CFH: variants seen among roughly 807,000 people sequenced by gnomAD.
The protein encoded by CFH is H factor 1 (complement).
In CFH, 53 loss-of-function variants were observed where a neutral mutation model predicts 147.3. That is an observed-to-expected ratio of 0.36 (90% confidence interval 0.29 to 0.45). CFH has a LOEUF of 0.45. Among genes scored for constraint, CFH ranks in the 20% least tolerant of loss-of-function variants. The pLI is 1.00. For missense variants in CFH, 1,380 were observed against 1,498.0 expected, an observed-to-expected ratio of 0.92 and a Z score of 1.30; for synonymous variants, 536 against 489.4, an observed-to-expected ratio of 1.10 and a Z score of -1.26.
intron 17 of CFH, among the ~76,000 whole-genome samples, chr1:196,738,371 A>G (rs1371946548): frequency 6.6e-6 from 1 of 152,168 alleles, no homozygotes. Context: ...TCAAAAGTTC[A>G]TATCCAAAGT....
chr1:196,668,806 C>T (rs907837684), intron 1 of CFH, among the ~76,000 whole-genome samples: 2 of 152,188 alleles, frequency 1.3e-5, no homozygotes, highest in Non-Finnish European at 2.9e-5. Context: ...TACCCAGTCT[C>T]AGGTAATTCT....
At chr1:196,746,626 T>G (rs1253124325) in intron 21 of CFH, among the ~76,000 whole-genome samples, 2 of 152,132 alleles carry the variant, frequency 1.3e-5, no homozygotes, top group Non-Finnish European at 2.9e-5. Context: ...TGCTTAGCAT[T>G]GGGTGTAGGT....
Position 196,747,112 on chromosome 1 carries a change from T to A in CFH, c.3495T>A (p.His1165Gln), listed in dbSNP as rs1653039431. ...ATGTTTACTGTTTTTTATTTTCAGA[T>A]CCGTGTGTAATATCCCGAGAAATTA... ...GQWSEPPKCL[H>Q]PCVISREIME... is the part of the protein sequence containing the mutation. The change falls in exon 22 of 22, where the codon CAT (histidine) becomes CAA (glutamine). Residue 1165 changes from histidine to glutamine, a missense_variant and splice_region_variant. His to Gln is a conservative substitution (Grantham distance 24, BLOSUM62 0). Transcript: ENST00000367429. 6.2e-7 allele frequency: 1 copy of A among 1,613,852 alleles called. No homozygotes were observed. Among genetic ancestry groups the A allele is most frequent in the Non-Finnish European group, 8.5e-7 (1 of 1,179,820 alleles).
At chr1:196,706,722 C>G (rs1339488016) in intron 9 of CFH, among the ~76,000 whole-genome samples, 1 of 152,062 alleles carries the variant, frequency 6.6e-6, no homozygotes, top group Non-Finnish European at 1.5e-5. Flanking sequence ...GTCTTTGGGA[C>G]ACACTTAAAG....
intron 3 of CFH, 113 bp from the exon 4 acceptor site, chr1:196,675,876 T>C (rs1018459574): frequency 1.0e-5 from 7 of 667,784 alleles, no homozygotes; most frequent in African/African-American, 1.8e-5. Context: ...AGAAAATGCA[T>C]ATGCTGTTCA....
rs1558163704 is a variant in CFH, at chr1:196,692,785, TC to T, written c.1336+2547del. Among the ~76,000 whole-genome samples the T allele has an allele frequency of 2.2e-3, 233 of 105,864 alleles. 8 individuals carry two copies. The highest frequency in any genetic ancestry group is 3.8e-3 in the African/African-American group (85 of 22,288). 69.5% of individuals were successfully genotyped at this position (105,864 alleles called of 152,430 possible). A position where few individuals can be genotyped will look rare whatever the true frequency, so the allele number is the denominator to read the frequency against. ...TTCTTTCTTTCTTTCTTTCTTTCTT[TC>T]TTTCTTTCTTTCTTTCTTTCTTTCT... On this transcript the variant is annotated intron_variant, in intron 9 of 21. Transcript: ENST00000367429.
At chr1:196,696,230 C>T (rs981737428) in intron 9 of CFH, among the ~76,000 whole-genome samples, 8 of 151,936 alleles carry the variant, frequency 5.3e-5, no homozygotes, top group South Asian at 2.1e-4. Flanking sequence ...CCCCAGCAAA[C>T]GCAAAAGAAC....
chr1:196,713,915 T>C lies in CFH; in HGVS notation c.1517T>C (p.Ile506Thr). The C allele has an allele frequency of 6.2e-7, 1 of 1,611,522 alleles. No homozygotes were observed. Among genetic ancestry groups the C allele is most frequent in the Non-Finnish European group, 8.5e-7 (1 of 1,178,214 alleles). ...KDGWSAQPTC[I>T]KSCDIPVFMN... ...GGATGGTCAGCTCAACCCACGTGCA[T>C]TAGTAAGTAATTTATTATGTTTGTA... is the stretch of plus-strand genomic sequence containing the variant. The change falls in exon 10 of 22, where the codon ATT becomes ACT. Residue 506 changes from isoleucine to threonine, a missense_variant and splice_region_variant. Physicochemically the swap from Ile to Thr is moderately conservative, Grantham distance 89 (BLOSUM62 -1). This residue lies in a region of CFH where 830 missense variants were observed against 821.4 expected (regional missense o/e 1.01). Transcript: ENST00000367429.
rs1669433069 is a variant in CFH at position 196,737,455 on chromosome 1, G to T, written c.2597-20G>T. The T allele has an allele frequency of 3.2e-6, 5 of 1,572,550 alleles. No individual in the cohort carries two copies. In the South Asian group the frequency reaches 3.4e-5, roughly 11 times the overall value. On this transcript the variant is annotated intron_variant, in intron 16 of 21. Coordinates refer to ENST00000367429, the MANE Select transcript of CFH (RefSeq NM_000186.4). ...GTATTTTATTTGTTTTTAACCCTTT[G>T]ATTTTCATTCTTCATTTAGAAAAAA...
chr1:196,674,310 C>G (rs953924382), intron 3 of CFH, among the ~76,000 whole-genome samples: 1 of 152,058 alleles, frequency 6.6e-6, no homozygotes, highest in African/African-American at 2.4e-5. Context: ...GGAATTGTAA[C>G]CAATTTATAT....
rs748226917 is a variant in CFH at position 196,690,249 on chromosome 1, C to A, written c.1336+10C>A. ...AGATGCATCCGTGTCAGTAAGTACA[C>A]TACTCTGAAATCCTAGCATGTTCAT... On this transcript the variant is annotated intron_variant, in intron 9 of 21. Coordinates refer to ENST00000367429, the MANE Select transcript of CFH (RefSeq NM_000186.4). 1.2e-6 allele frequency: 2 copies of A among 1,612,886 alleles called. No individual in the cohort carries two copies. The highest frequency in any genetic ancestry group is 4.5e-5 in the East Asian group (2 of 44,808).
intron 7 of CFH, among the ~76,000 whole-genome samples, chr1:196,686,325 G>A (rs1667825930): frequency 6.6e-6 from 1 of 152,040 alleles, no homozygotes; most frequent in Admixed American, 6.6e-5. Flanking sequence ...GAGAAATTAG[G>A]CACCACTATT....
chr1:196,740,879 T>C, intron 18 of CFH, 87 bp downstream of exon 18: 1 of 1,298,428 alleles, frequency 7.7e-7, no homozygotes, highest in South Asian at 1.2e-5. Context: ...AAACAGGGAC[T>C]CTAGAAATTC....
At chr1:196,697,721 C>G (rs1300016141) in intron 9 of CFH, among the ~76,000 whole-genome samples, 2 of 152,028 alleles carry the variant, frequency 1.3e-5, no homozygotes, top group African/African-American at 4.8e-5. Context: ...TTTATTGCGG[C>G]ACTATTCACA....
intron 11 of CFH, among the ~76,000 whole-genome samples, chr1:196,718,619 A>T (rs1428757281): frequency 3.3e-5 from 5 of 152,044 alleles, no homozygotes; most frequent in African/African-American, 4.8e-5. Flanking sequence ...TTCTGTGATG[A>T]TAGGTAAATT....
intron 15 of CFH, among the ~76,000 whole-genome samples, chr1:196,728,751 A>ACG (rs772026094): frequency 3.1e-4 from 47 of 151,862 alleles, no homozygotes; most frequent in African/African-American, 1.1e-3. Context: ...ACACACACAC[A>ACG]CACACACATA....
intron 9 of CFH, among the ~76,000 whole-genome samples, chr1:196,693,954 T>TGG (rs1371783985): frequency 2.1e-5 from 2 of 94,348 alleles, no homozygotes; most frequent in Non-Finnish European, 4.0e-5. Flanking sequence ...GTTAGATAAA[T>TGG]GGTGTGTGTG....
chr1:196,709,258 A>G (rs1366206811), intron 9 of CFH, among the ~76,000 whole-genome samples: 1 of 152,140 alleles, frequency 6.6e-6, no homozygotes, highest in Non-Finnish European at 1.5e-5. Context: ...AGGACTCTTG[A>G]AGTTCAAGCT....
At chr1:196,701,523 G>A (rs1289749668) in intron 9 of CFH, 5 of 734,630 alleles carry the variant, frequency 6.8e-6, no homozygotes, top group East Asian at 2.8e-5. Context: ...CAGCCCAATG[G>A]GGCTGGTGGC....
Sources: allele counts gnomAD v4.1 joint callset (sites outside exome capture counted in the v4.1 genomes callset), GRCh38; gene constraint gnomAD v4.1.1; regional missense constraint gnomAD v4.1.1; transcripts MANE v1.5; gene names NCBI Gene and HGNC (gene_info 2026-07-23, HGNC 2026-07-21).